Variants in PCDHGA2 observed in about 807,000 individuals in gnomAD.
PCDHGA2 encodes protocadherin gamma-A2.
A neutral mutation model predicts 59.2 loss-of-function variants in PCDHGA2; 40 were observed. The ratio of observed to expected loss-of-function variants is 0.68; its 90% CI spans 0.52 to 0.88. The LOEUF (loss-of-function observed/expected upper bound fraction) is 0.88, where lower values mean the gene tolerates loss of function less well. Among genes scored for constraint, PCDHGA2 ranks in the 40% least tolerant of loss-of-function variants. The pLI is 0.00. For missense variants in PCDHGA2, 1,226 were observed against 1,204.0 expected (o/e 1.02, Z -0.27); for synonymous variants, 560 against 526.0 (o/e 1.06, Z -0.89).
chr5:141,367,311 G>A (rs1390904308), intron 1 of PCDHGA2: 2 of 152,784 alleles, frequency 1.3e-5, no homozygotes, highest in Middle Eastern at 3.4e-3. Flanking sequence ...GGCTGAGGTG[G>A]GCGGATCACG....
intron 1 of PCDHGA2, among the ~76,000 whole-genome samples, chr5:141,401,123 C>A (rs1289456548): frequency 1.3e-5 from 2 of 152,156 alleles, no homozygotes; most frequent in Non-Finnish European, 2.9e-5. Flanking sequence ...GCGGTTGGAT[C>A]ACATGGTCAG....
chr5:141,340,547 C>A lies in PCDHGA2; in HGVS notation c.1576C>A (p.Arg526=). ...ALRSFDYEQL[R]DLQVWVIARD... is the part of the protein sequence containing the mutation. ...GCGCTCCTTTGATTATGAGCAGTTG[C>A]GAGACTTGCAAGTGTGGGTGATAGC... The change falls in exon 1 of 4, where the codon CGA becomes AGA. Residue 526 remains arginine (R), a synonymous_variant. Transcript: ENST00000394576. 6.2e-7 allele frequency: 1 copy of A among 1,614,224 alleles called. No individual in the cohort carries two copies. The highest frequency in any genetic ancestry group is 8.5e-7 in the Non-Finnish European group (1 of 1,180,048).
intron 1 of PCDHGA2, 110 bp from the exon 2 acceptor site, chr5:141,494,697 T>C: frequency 6.3e-7 from 1 of 1,590,934 alleles, no homozygotes; most frequent in Non-Finnish European, 8.6e-7. Flanking sequence ...TAGTCCGTTT[T>C]CTTCTCTGTG....
chr5:141,410,104 C>G, intron 1 of PCDHGA2: 1 of 1,612,582 alleles, frequency 6.2e-7, no homozygotes, highest in Non-Finnish European at 8.5e-7. Context: ...CCTTAGGCGA[C>G]AGGGACGCAG....
At chr5:141,472,884 G>A (rs1426207609) in intron 1 of PCDHGA2, among the ~76,000 whole-genome samples, 2 of 151,610 alleles carry the variant, frequency 1.3e-5, no homozygotes, top group African/African-American at 4.8e-5. Flanking sequence ...TACTCGGGAG[G>A]CTGAGGCAGG....
rs1380943019 is a variant in PCDHGA2 at position 141,389,411 on chromosome 5, C to T, written c.2424+48016C>T. ...CCTACGTGTCCATAAGCGCGGAGAG[C>T]GGGGTGGTGTTCGCGCAGCGCGCCT... is the stretch of plus-strand genomic sequence containing the variant. On this transcript the variant is annotated intron_variant, in intron 1 of 3. Coordinates refer to ENST00000394576, the MANE Select transcript of PCDHGA2 (RefSeq NM_018915.4). 8 of 1,613,450 alleles carry T rather than the reference C, an allele frequency of 5.0e-6. No homozygotes were observed. The East Asian group carries it at 6.7e-5, about 13-fold the overall frequency.
At chr5:141,389,117 G>A in intron 1 of PCDHGA2, 1 of 1,614,024 alleles carries the variant, frequency 6.2e-7, no homozygotes, top group Admixed American at 1.7e-5. Flanking sequence ...TAGACCGCGA[G>A]CAGAATCCAG....
At chr5:141,370,230 C>CG (rs1766760577) in intron 1 of PCDHGA2, 1 of 588,024 alleles carries the variant, frequency 1.7e-6, no homozygotes, top group East Asian at 2.9e-5. Flanking sequence ...GCAGCCAGCT[C>CG]GGAAGAAAAG....
Position 141,341,369 on chromosome 5 carries a change from G to A in PCDHGA2, c.2398G>A (p.Glu800Lys). ...ATCAGCGCCTCAATCTCTACTCGAA[G>A]AAGAAAGAGAAGAAACGTTTTCTCA... is the stretch of plus-strand genomic sequence containing the variant. Reference protein sequence around the residue: ...FLSAPQSLLEEEREETFSQQA... With the variant: ...FLSAPQSLLEKEREETFSQQA... Residue 800 changes from glutamate (E) to lysine (K), a missense_variant, in exon 1 of 4, where the codon GAA becomes AAA. Physicochemically the swap from Glu to Lys is moderately conservative, Grantham distance 56. Transcript: ENST00000394576. The A allele has an allele frequency of 1.2e-6, 2 of 1,614,236 alleles. No individual in the cohort carries two copies. Among genetic ancestry groups the A allele is most frequent in the Non-Finnish European group, 1.7e-6 (2 of 1,180,046 alleles).
intron 1 of PCDHGA2, chr5:141,383,148 C>G (rs1326737910): frequency 6.2e-7 from 1 of 1,614,124 alleles, no homozygotes; most frequent in Non-Finnish European, 8.5e-7. Context: ...GCAGCGGCAG[C>G]TTGGTCACTG....
At chr5:141,394,467 G>A (rs558211393) in intron 1 of PCDHGA2, 3 of 1,614,238 alleles carry the variant, frequency 1.9e-6, no homozygotes, top group Admixed American at 1.7e-5. Flanking sequence ...GAGCCTGTTC[G>A]TGCTGGACCA....
At chr5:141,401,976 G>A (rs1479930250) in intron 1 of PCDHGA2, among the ~76,000 whole-genome samples, 2 of 152,062 alleles carry the variant, frequency 1.3e-5, no homozygotes, top group Admixed American at 1.3e-4. Context: ...ATTGATGAAG[G>A]ATTAAAATAG....
chr5:141,393,676 A>G (rs767754951), intron 1 of PCDHGA2: 2 of 1,613,954 alleles, frequency 1.2e-6, no homozygotes, highest in South Asian at 1.1e-5. Flanking sequence ...AATGAAAAAC[A>G]AACTCCGTTA....
intron 1 of PCDHGA2, among the ~76,000 whole-genome samples, chr5:141,474,788 A>G (rs1426105047): frequency 6.6e-6 from 1 of 152,232 alleles, no homozygotes; most frequent in Non-Finnish European, 1.5e-5. Context: ...AACACTTTAC[A>G]TCTAATGGAG....
intron 1 of PCDHGA2, chr5:141,384,693 A>G (rs1345115245): frequency 3.1e-6 from 5 of 1,614,042 alleles, no homozygotes; most frequent in Non-Finnish European, 4.2e-6. Context: ...ACAAAGATTC[A>G]GGCCAGAACG....
intron 1 of PCDHGA2, chr5:141,403,649 T>C: frequency 6.2e-7 from 1 of 1,613,874 alleles, no homozygotes; most frequent in Non-Finnish European, 8.5e-7. Context: ...TGTGACAGTG[T>C]TGGATACAAA....
chr5:141,449,588 CAAA>C (rs768743917), intron 1 of PCDHGA2, among the ~76,000 whole-genome samples: 1 of 57,486 alleles, frequency 1.7e-5, no homozygotes, highest in Non-Finnish European at 3.7e-5. Context: ...GACTCTGTCT[CAAA>C]AAAAAAAAAA....
At chr5:141,356,327 C>A in intron 1 of PCDHGA2, 1 of 1,554,310 alleles carries the variant, frequency 6.4e-7, no homozygotes, top group Non-Finnish European at 8.7e-7. Context: ...GACAGTGACT[C>A]AGGAGGAAAT....
chr5:141,372,700 A>G (rs1768981627), intron 1 of PCDHGA2: 1 of 1,614,002 alleles, frequency 6.2e-7, no homozygotes, highest in South Asian at 1.1e-5. Context: ...AAATTTCTCA[A>G]TATAAAGGCT....
Sources: gnomAD v4.1 joint callset for allele counts (sites outside exome capture counted in the v4.1 genomes callset) on GRCh38, gnomAD v4.1.1 for gene constraint, MANE v1.5 for transcripts, NCBI Gene and HGNC (gene_info 2026-07-23, HGNC 2026-07-21) for gene names.